NPBWR1: variants seen among roughly 807,000 people sequenced by gnomAD.
The protein encoded by NPBWR1 is neuropeptides B/W receptor type 1.
NPBWR1 carries 4 observed loss-of-function variants against 2.8 expected under a neutral mutation model. The observed-to-expected ratio is 1.44, with a 90% confidence interval of 0.71 to 3.29. The LOEUF (loss-of-function observed/expected upper bound fraction) is 3.29, where lower values mean the gene tolerates loss of function less well. NPBWR1 is among the 30% of genes most tolerant of loss of function. The pLI is 0.01. For synonymous variants in NPBWR1, 250 were observed against 224.5 expected (o/e 1.11, Z -1.02); for missense variants, 545 against 462.5 (o/e 1.18, Z -1.64).
rs1232763594 is a variant in NPBWR1, at chr8:52,939,896, G to A, written c.-12G>A. ...GGGACGCCAGGTCGCCGGCTCCTCT[G>A]CCCTCGTTGAGATGGACAACGCCTC... On this transcript the variant is annotated 5_prime_UTR_variant, in exon 2 of 2. Transcript: ENST00000674939. 1.3e-6 allele frequency: 2 copies of A among 1,521,360 alleles called. No individual in the cohort carries two copies. The highest frequency in any genetic ancestry group is 1.7e-6 in the Non-Finnish European group (2 of 1,144,950). 94.2% of individuals were successfully genotyped at this position (1,521,360 alleles called of 1,614,324 possible).
In NPBWR1 at chr8:52,940,737, C is replaced by A; in HGVS notation, c.830C>A (p.Thr277Asn). The change falls in exon 2 of 2, where the codon ACC becomes AAC. Residue 277 changes from threonine to asparagine, a missense_variant. Coordinates refer to ENST00000674939, the MANE Select transcript of NPBWR1 (RefSeq NM_005285.5). ...CTGAGCACCGTGGTGGCGCTCACCA[C>A]CGACCTCCCGCAGACGCCGCTGGTC... is the stretch of plus-strand genomic sequence containing the variant. Reference protein sequence around the residue: ...YHLSTVVALTTDLPQTPLVIA... With the variant: ...YHLSTVVALTNDLPQTPLVIA... 1 of 1,613,888 alleles carries A rather than the reference C, an allele frequency of 6.2e-7. No individual in the cohort carries two copies. Among genetic ancestry groups the A allele is most frequent in the Non-Finnish European group, 8.5e-7 (1 of 1,180,002 alleles).
rs1390761006 is a variant in NPBWR1 at position 52,942,645 on chromosome 8, T to C, written c.*1751T>C. Among the ~76,000 whole-genome samples, 2 of 152,150 alleles carry C rather than the reference T, an allele frequency of 1.3e-5. No individual in the cohort carries two copies. The highest frequency in any genetic ancestry group is 4.8e-5 in the African/African-American group (2 of 41,430). On this transcript the variant is annotated 3_prime_UTR_variant, in exon 2 of 2. Transcript: ENST00000674939. ...ATATTTGGAAGGAAAAAACTCCCCC[T>C]TGGAATGGGGGGAAGCAAACCCCCT... is the stretch of plus-strand genomic sequence containing the variant.
rs1371390566 is a variant in NPBWR1 at position 52,942,114 on chromosome 8, G to T, written c.*1220G>T. Among the ~76,000 whole-genome samples the T allele has an allele frequency of 1.3e-5, 2 of 152,238 alleles. No homozygotes were observed. Among genetic ancestry groups the T allele is most frequent in the African/African-American group, 4.8e-5 (2 of 41,462 alleles). On this transcript the variant is annotated 3_prime_UTR_variant, in exon 2 of 2. Transcript: ENST00000674939. ...GTTCCCTTTCTCCTCTGCTTCCTTG[G>T]CTCCGCCTTAGGGAGAGCAGGAAGC...
In NPBWR1 at chr8:52,941,019, C is replaced by A; in HGVS notation, c.*125C>A. On this transcript the variant is annotated 3_prime_UTR_variant, in exon 2 of 2. Coordinates refer to ENST00000674939, the MANE Select transcript of NPBWR1 (RefSeq NM_005285.5). ...GGGGAAACCGACTCGCGCCCCATAC[C>A]CGACCTAGCAGATCGGAAGCGCTGC... 1 of 1,282,484 alleles carries A rather than the reference C, an allele frequency of 7.8e-7. No individual in the cohort carries two copies. Among genetic ancestry groups the A allele is most frequent in the Non-Finnish European group, 1.0e-6 (1 of 959,688 alleles). 79.4% of individuals were successfully genotyped at this position (1,282,484 alleles called of 1,614,324 possible). A position where few individuals can be genotyped will look rare whatever the true frequency, so the allele number is the denominator to read the frequency against.
In NPBWR1 at chr8:52,939,901, C is replaced by G. The variant is rs1465869785; in HGVS notation, c.-7C>G. 11 of 1,529,066 alleles carry G rather than the reference C, an allele frequency of 7.2e-6. No individual in the cohort carries two copies. Among genetic ancestry groups the G allele is most frequent in the South Asian group, 1.3e-5 (1 of 78,528 alleles). 94.7% of individuals were successfully genotyped at this position (1,529,066 alleles called of 1,614,324 possible). ...GCCAGGTCGCCGGCTCCTCTGCCCT[C>G]GTTGAGATGGACAACGCCTCGTTCT... On this transcript the variant is annotated 5_prime_UTR_variant, in exon 2 of 2. Transcript: ENST00000674939.
rs1802900090 is a variant in NPBWR1, at chr8:52,942,626, G to A, written c.*1732G>A. Among the ~76,000 whole-genome samples the A allele has an allele frequency of 6.6e-6, 1 of 151,970 alleles. No individual in the cohort carries two copies. Among genetic ancestry groups the A allele is most frequent in the African/African-American group, 2.4e-5 (1 of 41,330 alleles). On this transcript the variant is annotated 3_prime_UTR_variant, in exon 2 of 2. Transcript: ENST00000674939. Reference sequence around the variant, plus strand: ...TGAAAATAGCTTTTAATAAATATTTGGAAGGAAAAAACTCCCCCTTGGAAT... The same window carrying A: ...TGAAAATAGCTTTTAATAAATATTTAGAAGGAAAAAACTCCCCCTTGGAAT...
chr8:52,942,970 T>G lies in NPBWR1; in HGVS notation c.*2076T>G, dbSNP rs1038268080. On this transcript the variant is annotated 3_prime_UTR_variant, in exon 2 of 2. Coordinates refer to ENST00000674939, the MANE Select transcript of NPBWR1 (RefSeq NM_005285.5). ...TTGATTTTCCTTAAACTCTCAAAAT[T>G]ATCTCATGAATCCTCTGTAACTTTT... Among the ~76,000 whole-genome samples the G allele has an allele frequency of 6.6e-6, 1 of 152,224 alleles. No homozygotes were observed. The highest frequency in any genetic ancestry group is 1.5e-5 in the Non-Finnish European group (1 of 68,046).
Position 52,943,467 on chromosome 8 carries a change from C to T in NPBWR1, c.*2573C>T, listed in dbSNP as rs1203553916. Among the ~76,000 whole-genome samples the T allele has an allele frequency of 6.6e-6, 1 of 152,212 alleles. No individual in the cohort carries two copies. The highest frequency in any genetic ancestry group is 1.5e-5 in the Non-Finnish European group (1 of 68,038). On this transcript the variant is annotated 3_prime_UTR_variant, in exon 2 of 2. Transcript: ENST00000674939. ...TCTTGGGTAATCGGTTGAATAAATA[C>T]ACACATAAGCCAGGCAAAAGTAGAA...
rs1015044900 is a variant in NPBWR1, at chr8:52,943,527, A to C, written c.*2633A>C. On this transcript the variant is annotated 3_prime_UTR_variant, in exon 2 of 2. Transcript: ENST00000674939. The stretch of plus-strand genomic sequence containing the variant: ...ATCATTGTATTGCAAAGGTTTTAAC[A>C]CTGTGTTGAATTCTTGCAGTTTCTG... Among the ~76,000 whole-genome samples, 4 of 152,238 alleles carry C rather than the reference A, an allele frequency of 2.6e-5. No homozygotes were observed. Among genetic ancestry groups the C allele is most frequent in the African/African-American group, 9.6e-5 (4 of 41,472 alleles).
rs976696003 is a variant in NPBWR1, at chr8:52,939,806, C to A, written c.-102C>A. 2 of 1,290,708 alleles carry A rather than the reference C, an allele frequency of 1.5e-6. No homozygotes were observed. The highest frequency in any genetic ancestry group is 1.5e-5 in the African/African-American group (1 of 66,586). 80.0% of individuals were successfully genotyped at this position (1,290,708 alleles called of 1,614,324 possible). ...GAACGGCTTGGAGAGCTGAAACGAG[C>A]GTCCGCGAGCAGGTCCGTGCAGAAC... On this transcript the variant is annotated 5_prime_UTR_variant, in exon 2 of 2. Coordinates refer to ENST00000674939, the MANE Select transcript of NPBWR1 (RefSeq NM_005285.5).
rs1402230319 is a variant in NPBWR1 at position 52,942,839 on chromosome 8, G to A, written c.*1945G>A. Among the ~76,000 whole-genome samples, 7 of 152,170 alleles carry A rather than the reference G, an allele frequency of 4.6e-5. No individual in the cohort carries two copies. Among genetic ancestry groups the A allele is most frequent in the Non-Finnish European group, 8.8e-5 (6 of 68,044 alleles). On this transcript the variant is annotated 3_prime_UTR_variant, in exon 2 of 2. Transcript: ENST00000674939. Reference sequence around the variant, plus strand: ...AAAGTTTTCATCTACAATGAGTTTCGAGTGGTGGACCTCATGGCATTTGAA... The same window carrying A: ...AAAGTTTTCATCTACAATGAGTTTCAAGTGGTGGACCTCATGGCATTTGAA...
chr8:52,941,953 G>A lies in NPBWR1; in HGVS notation c.*1059G>A, dbSNP rs1314129395. 6.6e-6 allele frequency among the ~76,000 whole-genome samples: 1 copy of A among 151,570 alleles called. No individual in the cohort carries two copies. Among genetic ancestry groups the A allele is most frequent in the Admixed American group, 6.6e-5 (1 of 15,192 alleles). On this transcript the variant is annotated 3_prime_UTR_variant, in exon 2 of 2. Transcript: ENST00000674939. The stretch of plus-strand genomic sequence containing the variant: ...TTGGCCTCGTCTCTTGTCTTACTTA[G>A]ATCAGTTTGTTGTAACTGTTCATGT...
chr8:52,940,570 C>G lies in NPBWR1; in HGVS notation c.663C>G (p.Val221=), dbSNP rs149687434. ...CCATCCCCGTGTCCACCATCTGTGT[C>G]CTCTATACCACCCTGCTGTGCCGGC... is the stretch of plus-strand genomic sequence containing the variant. The part of the protein sequence containing the change: ...GFAIPVSTIC[V]LYTTLLCRLH... The change falls in exon 2 of 2, where the codon GTC becomes GTG. Residue 221 remains valine (V), a synonymous_variant. Transcript: ENST00000674939. 1.9e-4 allele frequency: 300 copies of G among 1,600,268 alleles called. No homozygotes were observed. The highest frequency in any genetic ancestry group is 2.4e-4 in the Non-Finnish European group (284 of 1,175,596).
Position 52,941,926 on chromosome 8 carries a change from A to G in NPBWR1, c.*1032A>G, listed in dbSNP as rs1274525929. On this transcript the variant is annotated 3_prime_UTR_variant, in exon 2 of 2. Coordinates refer to ENST00000674939, the MANE Select transcript of NPBWR1 (RefSeq NM_005285.5). Reference sequence around the variant, plus strand: ...TGCCAAGCCCCACCCCCATTCCCCCAATTGGCCTCGTCTCTTGTCTTACTT... The same window carrying G: ...TGCCAAGCCCCACCCCCATTCCCCCGATTGGCCTCGTCTCTTGTCTTACTT... 7.2e-6 allele frequency among the ~76,000 whole-genome samples: 1 copy of G among 139,664 alleles called. No homozygotes were observed. The highest frequency in any genetic ancestry group is 2.1e-4 in the East Asian group (1 of 4,720). The allele number at this position is 139,664 out of a possible 152,430, so 91.6% of individuals were successfully genotyped here.
In NPBWR1 at chr8:52,940,746, C is replaced by T; in HGVS notation, c.839C>T (p.Pro280Leu). The change falls in exon 2 of 2, where the codon CCG becomes CTG. Residue 280 changes from proline (P) to leucine (L), a missense_variant. Pro to Leu is a moderately conservative substitution (Grantham distance 98). Transcript: ENST00000674939. ...GTGGTGGCGCTCACCACCGACCTCCCGCAGACGCCGCTGGTCATCGCTATC... is the reference window on the plus strand; with the variant it reads ...GTGGTGGCGCTCACCACCGACCTCCTGCAGACGCCGCTGGTCATCGCTATC... ...STVVALTTDL[P>L]QTPLVIAISY... 6.2e-7 allele frequency: 1 copy of T among 1,613,986 alleles called. No homozygotes were observed. The highest frequency in any genetic ancestry group is 8.5e-7 in the Non-Finnish European group (1 of 1,180,002).
In NPBWR1 at chr8:52,940,776, A is replaced by G; in HGVS notation, c.869A>G (p.Tyr290Cys). Residue 290 changes from tyrosine to cysteine, a missense_variant, in exon 2 of 2, where the codon TAC (tyrosine) becomes TGC (cysteine). By Grantham distance (194) the Tyr-to-Cys change is radical (BLOSUM62 -2). Coordinates refer to ENST00000674939, the MANE Select transcript of NPBWR1 (RefSeq NM_005285.5). The part of the protein sequence containing the change: ...PQTPLVIAIS[Y>C]FITSLSYANS... ...ACGCCGCTGGTCATCGCTATCTCCT[A>G]CTTCATCACCAGCCTGAGCTACGCC... 1 of 1,613,896 alleles carries G rather than the reference A, an allele frequency of 6.2e-7. No individual in the cohort carries two copies. The highest frequency in any genetic ancestry group is 8.5e-7 in the Non-Finnish European group (1 of 1,179,946).
rs1465620636 is a variant in NPBWR1, at chr8:52,940,428, C to G, written c.521C>G (p.Ala174Gly). The G allele has an allele frequency of 6.3e-7, 1 of 1,598,188 alleles. No individual in the cohort carries two copies. The highest frequency in any genetic ancestry group is 8.5e-7 in the Non-Finnish European group (1 of 1,177,478). ...GTCACACTCGTCGTGCTGCCCTTCG[C>G]AGTCTTCGCCCGGCTAGACGACGAG... ...GIVTLVVLPF[A>G]VFARLDDEQG... Residue 174 changes from alanine (A) to glycine (G), a missense_variant, in exon 2 of 2, where the codon GCA becomes GGA. Coordinates refer to ENST00000674939, the MANE Select transcript of NPBWR1 (RefSeq NM_005285.5).
rs147730838 is a variant in NPBWR1, at chr8:52,939,866, C to G, written c.-42C>G. The G allele has an allele frequency of 4.7e-6, 7 of 1,484,838 alleles. 1 individual carries two copies. The highest frequency in any genetic ancestry group is 6.2e-6 in the Non-Finnish European group (7 of 1,127,172). The allele number at this position is 1,484,838 out of a possible 1,614,324, so 92.0% of individuals were successfully genotyped here. A position where few individuals can be genotyped will look rare whatever the true frequency, so the allele number is the denominator to read the frequency against. ...GGACCGCTGAGCTCCGTAGGGCGTC[C>G]TTGGGGGACGCCAGGTCGCCGGCTC... On this transcript the variant is annotated 5_prime_UTR_variant, in exon 2 of 2. Transcript: ENST00000674939.
rs1300564495 is a variant in NPBWR1 at position 52,940,156 on chromosome 8, C to G, written c.249C>G (p.Asp83Glu). The G allele has an allele frequency of 6.2e-7, 1 of 1,613,486 alleles. No individual in the cohort carries two copies. Among genetic ancestry groups the G allele is most frequent in the Admixed American group, 1.7e-5 (1 of 60,002 alleles). ...NLFILNLAIA[D>E]ELFTLVLPIN... ...TCATCCTCAACCTGGCCATCGCCGACGAGCTCTTCACGCTGGTGCTGCCCA... is the reference window on the plus strand; with the variant it reads ...TCATCCTCAACCTGGCCATCGCCGAGGAGCTCTTCACGCTGGTGCTGCCCA... Residue 83 changes from aspartate (D) to glutamate (E), a missense_variant, in exon 2 of 2, where the codon GAC becomes GAG. Coordinates refer to ENST00000674939, the MANE Select transcript of NPBWR1 (RefSeq NM_005285.5).
Sources: gnomAD v4.1 joint callset for allele counts (sites outside exome capture counted in the v4.1 genomes callset) on GRCh38, gnomAD v4.1.1 for gene constraint, MANE v1.5 for transcripts, NCBI Gene and HGNC (gene_info 2026-07-23, HGNC 2026-07-21) for gene names.